Variants in SLC9C2 observed in about 807,000 individuals in gnomAD.
SLC9C2 encodes the protein solute carrier family 9 member C2 (putative), also known as sodium/hydrogen exchanger 11.
In SLC9C2, 75 loss-of-function variants were observed where a neutral mutation model predicts 140.2. That is an observed-to-expected ratio of 0.53 (90% confidence interval 0.44 to 0.65). The LOEUF (loss-of-function observed/expected upper bound fraction) is 0.65. SLC9C2 is among the 30% of genes least tolerant of loss of function. The pLI is 0.00. For synonymous variants in SLC9C2, 375 were observed against 420.9 expected, an observed-to-expected ratio of 0.89 and a Z score of 1.34; for missense variants, 1,074 against 1,331.8, an observed-to-expected ratio of 0.81 and a Z score of 3.01.
intron 9 of SLC9C2, among the ~76,000 whole-genome samples, chr1:173,571,126 T>A (rs775635882): frequency 4.6e-5 from 7 of 152,160 alleles, no homozygotes; most frequent in Non-Finnish European, 1.0e-4. Flanking sequence ...TCATCAGCCA[T>A]CTTGCTCCAT....
chr1:173,562,150 G>A (rs1334278170), intron 9 of SLC9C2, among the ~76,000 whole-genome samples: 2 of 152,118 alleles, frequency 1.3e-5, no homozygotes, highest in Non-Finnish European at 2.9e-5. Context: ...ACTAGCCCCT[G>A]TGCCCAATGA....
rs76425408 is a variant in SLC9C2, at chr1:173,510,047, G to C, written c.2908-348C>G. On this transcript the variant is annotated intron_variant, in intron 23 of 27. Coordinates refer to ENST00000367714, the MANE Select transcript of SLC9C2 (RefSeq NM_178527.4). The stretch of plus-strand genomic sequence containing the variant: ...TTTTTATTGTCATGGTAGATAACAT[G>C]AGCTCATTCACAGTATTTGTTTCCA... Among the ~76,000 whole-genome samples the C allele has an allele frequency of 2.3e-3, 345 of 152,234 alleles. 13 individuals are homozygous for C. In the East Asian group the frequency reaches 0.06, roughly 26 times the overall value.
At chr1:173,588,821 C>A (rs1665999413) in intron 4 of SLC9C2, among the ~76,000 whole-genome samples, 2 of 152,046 alleles carry the variant, frequency 1.3e-5, no homozygotes, top group South Asian at 4.1e-4. Flanking sequence ...TGCCCATAAT[C>A]CCAGCACTTT....
At chr1:173,542,958 A>G (rs1488797128) in intron 13 of SLC9C2, among the ~76,000 whole-genome samples, 1 of 152,238 alleles carries the variant, frequency 6.6e-6, no homozygotes, top group East Asian at 1.9e-4. Flanking sequence ...CAAGACAGGG[A>G]TGCCCTCTCT....
chr1:173,591,649 T>C (rs1380214191), intron 4 of SLC9C2, among the ~76,000 whole-genome samples: 2 of 152,236 alleles, frequency 1.3e-5, no homozygotes, highest in Admixed American at 6.5e-5. Context: ...TTTTTTCATA[T>C]GCTCGTTGGC....
At chr1:173,530,816 C>T (rs186432890) in intron 17 of SLC9C2, among the ~76,000 whole-genome samples, 32 of 152,030 alleles carry the variant, frequency 2.1e-4, no homozygotes, top group African/African-American at 6.0e-4. Flanking sequence ...GGGCAGATGG[C>T]GAGGGACTGG....
chr1:173,529,862 C>G (rs755829340), intron 18 of SLC9C2, 43 bp downstream of exon 18: 1 of 1,577,424 alleles, frequency 6.3e-7, no homozygotes, highest in Non-Finnish European at 8.6e-7. Context: ...GTTAATACAC[C>G]TAAGGGGTTT....
chr1:173,504,886 G>A (rs766436562), intron 26 of SLC9C2, among the ~76,000 whole-genome samples: 211 of 152,344 alleles, frequency 1.4e-3, no homozygotes, highest in Non-Finnish European at 2.5e-3. Flanking sequence ...GAGCAAACCA[G>A]TTCCCCATAC....
chr1:173,550,870 GAA>G (rs1663236209), intron 11 of SLC9C2, among the ~76,000 whole-genome samples: 1 of 113,384 alleles, frequency 8.8e-6, no homozygotes, highest in Non-Finnish European at 1.8e-5. Flanking sequence ...GTGAGCCGTT[GAA>G]AGAGAGAGAG....
At chr1:173,532,712 A>G (rs1452665724) in intron 17 of SLC9C2, among the ~76,000 whole-genome samples, 29 of 152,140 alleles carry the variant, frequency 1.9e-4, no homozygotes, top group Admixed American at 1.9e-3. Context: ...TTAAGTGCTT[A>G]CTATACGCCA....
chr1:173,555,555 A>G (rs1272759031), intron 10 of SLC9C2, among the ~76,000 whole-genome samples: 3 of 152,230 alleles, frequency 2.0e-5, no homozygotes, highest in African/African-American at 7.2e-5. Flanking sequence ...TCTTAACACC[A>G]GACAGAATTA....
chr1:173,538,559 C>T (rs1362123690), intron 13 of SLC9C2, among the ~76,000 whole-genome samples: 1 of 151,818 alleles, frequency 6.6e-6, no homozygotes, highest in African/African-American at 2.4e-5. Context: ...TATGATAAAA[C>T]AGGAAATTAA....
Position 173,517,578 on chromosome 1 carries a change from G to A in SLC9C2, c.2866C>T (p.Arg956Cys), listed in dbSNP as rs776106559. The change falls in exon 23 of 28, where the codon CGT becomes TGT. Residue 956 changes from arginine (R) to cysteine (C), a missense_variant. Transcript: ENST00000367714. The part of the protein sequence containing the change: ...IIGELSCLLK[R>C]EIEYTVICET... ...CAGATGACGGTATATTCAATTTCAC[G>A]CTTAAGCAGACAGCTTAGCTCTCCA... 2.5e-5 allele frequency: 41 copies of A among 1,612,680 alleles called. No individual in the cohort carries two copies. Among genetic ancestry groups the A allele is most frequent in the Non-Finnish European group, 3.1e-5 (37 of 1,179,624 alleles).
At chr1:173,512,910 T>C (rs557527516) in intron 23 of SLC9C2, among the ~76,000 whole-genome samples, 147 of 152,358 alleles carry the variant, frequency 9.6e-4, no homozygotes, top group Non-Finnish European at 1.8e-3. Context: ...GAGATAATCA[T>C]GTGGTTTTGT....
At chr1:173,590,299 G>A (rs573402509) in intron 4 of SLC9C2, among the ~76,000 whole-genome samples, 4 of 150,454 alleles carry the variant, frequency 2.7e-5, no homozygotes, top group African/African-American at 4.9e-5. Context: ...GATAATAGCC[G>A]AAATTGTGGC....
chr1:173,502,272 C>CAAAAAA (rs34183286), intron 27 of SLC9C2, among the ~76,000 whole-genome samples: 9 of 40,718 alleles, frequency 2.2e-4, no homozygotes, highest in Non-Finnish European at 2.7e-4. Flanking sequence ...GATTCCATCT[C>CAAAAAA]AAAAAAAAAA....
intron 4 of SLC9C2, among the ~76,000 whole-genome samples, chr1:173,593,719 C>T (rs1666297977): frequency 6.6e-6 from 1 of 152,046 alleles, no homozygotes; most frequent in Non-Finnish European, 1.5e-5. Flanking sequence ...AATGCAGGGG[C>T]TGTTACCCTA....
intron 24 of SLC9C2, among the ~76,000 whole-genome samples, chr1:173,508,990 G>T (rs546059676): frequency 1.1e-3 from 139 of 121,712 alleles, no homozygotes; most frequent in Non-Finnish European, 1.7e-3. Context: ...CTTGGTTCAG[G>T]GGGGGATCTA....
intron 3 of SLC9C2, among the ~76,000 whole-genome samples, chr1:173,598,563 TACA>T (rs1318475268): frequency 1.3e-5 from 2 of 152,150 alleles, no homozygotes; most frequent in African/African-American, 4.8e-5. Context: ...TAATGGAAAA[TACA>T]ACAATAATGA....
Sources: allele counts gnomAD v4.1 joint callset (sites outside exome capture counted in the v4.1 genomes callset), GRCh38; gene constraint gnomAD v4.1.1; transcripts MANE v1.5; gene names NCBI Gene and HGNC (gene_info 2026-07-23, HGNC 2026-07-21).